The following CDH6 variants were observed in gnomAD, a reference collection of about 807,000 sequenced individuals.
The protein encoded by CDH6 is cadherin-6.
Under a neutral mutation model 78.0 loss-of-function variants are expected in CDH6, and 31 were observed. The ratio of observed to expected loss-of-function variants is 0.40; its 90% CI spans 0.30 to 0.54. CDH6 has a LOEUF of 0.54. Among genes scored for constraint, CDH6 ranks in the 20% least tolerant of loss-of-function variants. The probability of loss-of-function intolerance (pLI) is 0.56; values close to 1 mark genes in which losing one functional copy is unlikely to be tolerated. For missense variants in CDH6, 724 were observed against 975.9 expected (o/e 0.74, Z 3.44); for synonymous variants, 376 against 368.8 (o/e 1.02, Z -0.23).
At chr5:31,314,340 C>T (rs914676228) in intron 8 of CDH6, among the ~76,000 whole-genome samples, 1 of 132,940 alleles carries the variant, frequency 7.5e-6, no homozygotes. Context: ...AATAGAATTT[C>T]AATGTTTAAA....
At chr5:31,223,683 G>T (rs899861602) in intron 1 of CDH6, among the ~76,000 whole-genome samples, 2 of 152,070 alleles carry the variant, frequency 1.3e-5, no homozygotes, top group Admixed American at 1.3e-4. Flanking sequence ...TTCCTTGTGG[G>T]CATCAGTGGA....
At chr5:31,310,636 G>A (rs1318903286) in intron 7 of CDH6, among the ~76,000 whole-genome samples, 1 of 152,216 alleles carries the variant, frequency 6.6e-6, no homozygotes, top group Admixed American at 6.5e-5. Context: ...AAACATTCAG[G>A]CATTTCCATA....
rs142005895 is a variant in CDH6 at position 31,294,099 on chromosome 5, C to A, written c.366C>A (p.Pro122=). ...AGAGGCTGGACAGGGAAGAAAAACC[C>A]GTTTACATCCTTCGAGCTCAAGCTA... ...ATKRLDREEK[P]VYILRAQAIN... is the part of the protein sequence containing the mutation. Residue 122 remains proline, a synonymous_variant, in exon 3 of 12, where the codon CCC becomes CCA. Coordinates refer to ENST00000265071, the MANE Select transcript of CDH6 (RefSeq NM_004932.4). This position sits in a 1 kb window ranked among gnomAD's most constrained non-coding sequence, Gnocchi z 4.1. 301 of 1,613,774 alleles carry A rather than the reference C, an allele frequency of 1.9e-4. No individual in the cohort carries two copies. The African/African-American group carries it at 3.8e-3, about 20-fold the overall frequency.
chr5:31,300,921 G>C (rs1048780042), intron 5 of CDH6, among the ~76,000 whole-genome samples: 24 of 152,184 alleles, frequency 1.6e-4, no homozygotes, highest in African/African-American at 5.5e-4. Flanking sequence ...AAGAGTTCAA[G>C]AGCAGCCGAG....
intron 1 of CDH6, among the ~76,000 whole-genome samples, chr5:31,240,889 C>T (rs922044458): frequency 6.6e-6 from 1 of 152,166 alleles, no homozygotes; most frequent in Admixed American, 6.5e-5. Flanking sequence ...CTACCCTATC[C>T]ATAACAACTT....
chr5:31,228,423 T>C (rs1741224342), intron 1 of CDH6, among the ~76,000 whole-genome samples: 1 of 152,214 alleles, frequency 6.6e-6, no homozygotes, highest in Non-Finnish European at 1.5e-5. Flanking sequence ...AGAAGGAAGC[T>C]GCATTCACCT....
chr5:31,249,950 C>A (rs1741864513), intron 1 of CDH6: 1 of 152,220 alleles, frequency 6.6e-6, no homozygotes. Flanking sequence ...TTGAACAGAA[C>A]CCCTACCCTG....
At chr5:31,262,414 G>A (rs775627967) in intron 1 of CDH6, among the ~76,000 whole-genome samples, 9 of 152,072 alleles carry the variant, frequency 5.9e-5, no homozygotes, top group South Asian at 4.1e-4. Context: ...TCAAATTTCC[G>A]AGCATACAAA....
intron 5 of CDH6, among the ~76,000 whole-genome samples, chr5:31,300,899 CTG>C (rs1737748075): frequency 6.6e-6 from 1 of 152,156 alleles, no homozygotes; most frequent in Admixed American, 6.5e-5. Flanking sequence ...GGGAGGAAGA[CTG>C]TGTGAGGCCA....
intron 1 of CDH6, among the ~76,000 whole-genome samples, chr5:31,197,531 A>C (rs2111762368): frequency 6.6e-6 from 1 of 152,322 alleles, no homozygotes; most frequent in Middle Eastern, 3.4e-3. Context: ...TTCACAAAAA[A>C]AGTGAAAATG....
At chr5:31,313,233 T>A (rs1738204448) in intron 7 of CDH6, 85 bp from the exon 8 acceptor site, 2 of 1,224,162 alleles carry the variant, frequency 1.6e-6, no homozygotes, top group African/African-American at 3.0e-5. Flanking sequence ...GGATATGATG[T>A]GTACCAGATG....
rs3840334 is a variant in CDH6, at chr5:31,325,321, TAC to T, written c.*2046_*2047del. The T allele has an allele frequency of 0.38, 83,836 of 222,756 alleles. 12,247 individuals are homozygous for T. The highest frequency in any genetic ancestry group is 0.41 in the Admixed American group (6,977 of 17,060). 13.8% of individuals were successfully genotyped at this position (222,756 alleles called of 1,614,324 possible). A position where few individuals can be genotyped will look rare whatever the true frequency, so the allele number is the denominator to read the frequency against. On this transcript the variant is annotated 3_prime_UTR_variant, in exon 12 of 12. Transcript: ENST00000265071. ...TTTTCTAGTTCTTCATACACACACATACACACACACACACACACACACACACA... is the reference window on the plus strand; with the variant it reads ...TTTTCTAGTTCTTCATACACACACATACACACACACACACACACACACACA...
chr5:31,208,516 T>C (rs541530372), intron 1 of CDH6, among the ~76,000 whole-genome samples: 1 of 152,338 alleles, frequency 6.6e-6, no homozygotes, highest in African/African-American at 2.4e-5. Flanking sequence ...CCTAACAGGA[T>C]AATTGAGTGT....
intron 5 of CDH6, among the ~76,000 whole-genome samples, chr5:31,300,437 A>C (rs534236457): frequency 1.2e-4 from 18 of 152,318 alleles, no homozygotes; most frequent in Non-Finnish European, 2.6e-4. Flanking sequence ...AGAGCTATAC[A>C]TGGATCAATA....
intron 1 of CDH6, among the ~76,000 whole-genome samples, chr5:31,223,224 T>C (rs538163133): frequency 7.9e-5 from 12 of 152,338 alleles, no homozygotes; most frequent in Non-Finnish European, 1.6e-4. Context: ...GTGAACCGCA[T>C]TTTAAGGACA....
chr5:31,230,591 G>A, intron 1 of CDH6, among the ~76,000 whole-genome samples: 1 of 152,158 alleles, frequency 6.6e-6, no homozygotes, highest in East Asian at 1.9e-4. Flanking sequence ...AGTGAAAAAT[G>A]AGAAAAGAAA....
chr5:31,215,543 A>T (rs1163221585), intron 1 of CDH6, among the ~76,000 whole-genome samples: 2 of 152,210 alleles, frequency 1.3e-5, no homozygotes, highest in African/African-American at 4.8e-5. Context: ...CTCATTATTT[A>T]TTCCAAAATG....
At chr5:31,286,812 A>C (rs1743024465) in intron 2 of CDH6, among the ~76,000 whole-genome samples, 1 of 152,166 alleles carries the variant, frequency 6.6e-6, no homozygotes, top group Non-Finnish European at 1.5e-5. Context: ...CAATGAGAAA[A>C]GGCAGTAGCA....
At chr5:31,303,837 A>G (rs988339313) in intron 6 of CDH6, among the ~76,000 whole-genome samples, 11 of 152,182 alleles carry the variant, frequency 7.2e-5, no homozygotes, top group Admixed American at 7.2e-4. Context: ...CACTCAGACT[A>G]ATGTTTTAAA....
Sources: allele counts gnomAD v4.1 joint callset (sites outside exome capture counted in the v4.1 genomes callset), GRCh38; gene constraint gnomAD v4.1.1; non-coding constraint Gnocchi (gnomAD v3.1); transcripts MANE v1.5; gene names NCBI Gene and HGNC (gene_info 2026-07-23, HGNC 2026-07-21).